Variants in SUPT3H observed in about 807,000 individuals in gnomAD.
SUPT3H encodes SPT3 homolog, SAGA and STAGA complex component.
Under a neutral mutation model 44.3 loss-of-function variants are expected in SUPT3H, and 44 were observed. The observed-to-expected ratio is 0.99, with a 90% CI of 0.78 to 1.28. The LOEUF (loss-of-function observed/expected upper bound fraction) is 1.28. Among genes scored for constraint, SUPT3H ranks in the 50% most tolerant of loss-of-function variants. The probability of loss-of-function intolerance (pLI) is 0.00; values close to 1 mark genes in which losing one functional copy is unlikely to be tolerated. For missense variants in SUPT3H, 380 were observed against 387.1 expected (o/e 0.98, Z 0.15); for synonymous variants, 124 against 125.6 (o/e 0.99, Z 0.09).
At chr6:45,289,508 TA>T (rs1779947607) in intron 2 of SUPT3H, among the ~76,000 whole-genome samples, 1 of 152,142 alleles carries the variant, frequency 6.6e-6, no homozygotes, top group Non-Finnish European at 1.5e-5. Context: ...ATTCATAATT[TA>T]AAAAATAATA....
At chr6:45,110,919 C>T (rs1248345588) in intron 2 of SUPT3H, among the ~76,000 whole-genome samples, 3 of 151,654 alleles carry the variant, frequency 2.0e-5, no homozygotes, top group East Asian at 3.9e-4. Context: ...AATGTGTGTA[C>T]ATATGTGTGT....
chr6:45,209,810 T>C (rs1171092202), intron 2 of SUPT3H, among the ~76,000 whole-genome samples: 2 of 152,206 alleles, frequency 1.3e-5, no homozygotes, highest in Non-Finnish European at 2.9e-5. Flanking sequence ...TAGAGAAATC[T>C]TTTGTGAAAG....
intron 2 of SUPT3H, among the ~76,000 whole-genome samples, chr6:45,344,509 A>G (rs1790454731): frequency 6.6e-6 from 1 of 152,044 alleles, no homozygotes; most frequent in Admixed American, 6.6e-5. Context: ...CCATATATGT[A>G]CATTTTCCTT....
intron 2 of SUPT3H, among the ~76,000 whole-genome samples, chr6:45,111,539 C>CCCCCCAAAAAACCCCA (rs1800066126): frequency 7.0e-6 from 1 of 142,340 alleles, no homozygotes; most frequent in Non-Finnish European, 1.5e-5. Flanking sequence ...CTCCCCCCCG[C>CCCCCCAAAAAACCCCA]AAAAAAAACA....
chr6:45,182,214 A>G (rs1813390023), intron 2 of SUPT3H, among the ~76,000 whole-genome samples: 1 of 152,094 alleles, frequency 6.6e-6, no homozygotes. Context: ...TGTCCCATAG[A>G]GCTTATAGAG....
At chr6:45,116,251 T>C (rs1042759075) in intron 2 of SUPT3H, among the ~76,000 whole-genome samples, 1 of 152,138 alleles carries the variant, frequency 6.6e-6, no homozygotes, top group African/African-American at 2.4e-5. Flanking sequence ...TTTTGAAAGA[T>C]TCCTAACCAA....
At chr6:44,970,090 T>C (rs1046017403) in intron 6 of SUPT3H, among the ~76,000 whole-genome samples, 3 of 152,136 alleles carry the variant, frequency 2.0e-5, no homozygotes, top group African/African-American at 7.2e-5. Flanking sequence ...ATCCTATGGG[T>C]CTAAATATAT....
chr6:45,126,409 C>T (rs1160807830), intron 2 of SUPT3H, among the ~76,000 whole-genome samples: 2 of 152,130 alleles, frequency 1.3e-5, no homozygotes, highest in African/African-American at 2.4e-5. Context: ...AAGATGGATA[C>T]ACATTTAAAA....
At chr6:44,834,180 GGAT>G (rs1769385816) in intron 10 of SUPT3H, among the ~76,000 whole-genome samples, 2 of 152,104 alleles carry the variant, frequency 1.3e-5, no homozygotes, top group African/African-American at 4.8e-5. Flanking sequence ...GTGGTAAAAT[GGAT>G]GAGGAGATCA....
intron 2 of SUPT3H, among the ~76,000 whole-genome samples, chr6:45,319,256 T>A (rs1338057578): frequency 6.6e-6 from 1 of 152,156 alleles, no homozygotes; most frequent in Non-Finnish European, 1.5e-5. Flanking sequence ...TGTCTTATAA[T>A]TAAATATGGG....
intron 5 of SUPT3H, among the ~76,000 whole-genome samples, chr6:45,012,823 T>G (rs1284835683): frequency 6.6e-6 from 1 of 152,156 alleles, no homozygotes; most frequent in Admixed American, 6.6e-5. Context: ...GGCTTGTCAT[T>G]GTTTATTTCA....
At chr6:45,335,376 C>A (rs927200034) in intron 2 of SUPT3H, among the ~76,000 whole-genome samples, 5 of 151,142 alleles carry the variant, frequency 3.3e-5, no homozygotes, top group Non-Finnish European at 5.9e-5. Flanking sequence ...TTACATTTTA[C>A]AACATGTCAA....
At chr6:45,205,212 T>C (rs570864719) in intron 2 of SUPT3H, among the ~76,000 whole-genome samples, 7 of 152,268 alleles carry the variant, frequency 4.6e-5, no homozygotes, top group South Asian at 2.1e-4. Context: ...CAAAAGTACA[T>C]TGGAATCATT....
At chr6:45,132,374 CA>C (rs1164536860) in intron 2 of SUPT3H, among the ~76,000 whole-genome samples, 2 of 152,270 alleles carry the variant, frequency 1.3e-5, no homozygotes, top group African/African-American at 4.8e-5. Flanking sequence ...AAATTTGCTA[CA>C]AAAGATTACT....
At chr6:44,899,227 T>C (rs1009906384) in intron 10 of SUPT3H, 3 of 152,340 alleles carry the variant, frequency 2.0e-5, no homozygotes, top group Admixed American at 1.3e-4. Context: ...ATCTTTACAA[T>C]ATCCATGTGA....
chr6:45,358,202 G>A (rs1314842221), intron 2 of SUPT3H, among the ~76,000 whole-genome samples: 3 of 152,120 alleles, frequency 2.0e-5, no homozygotes, highest in African/African-American at 7.2e-5. Context: ...ATGCAACCCA[G>A]AAAAGAAGCA....
At chr6:45,351,133 T>C (rs1791934655) in intron 2 of SUPT3H, among the ~76,000 whole-genome samples, 1 of 152,260 alleles carries the variant, frequency 6.6e-6, no homozygotes, top group East Asian at 1.9e-4. Context: ...TCCACGAAAC[T>C]GGTCCCTGCT....
In SUPT3H at chr6:45,132,997, C is replaced by T. The variant is rs563465546; in HGVS notation, c.102-26991G>A. Among the ~76,000 whole-genome samples the T allele has an allele frequency of 2.2e-4, 34 of 152,168 alleles. No individual in the cohort carries two copies. In the South Asian group the frequency reaches 7.1e-3, roughly 32 times the overall value. ...TGAACTCTTACCAGTACAAATATTG[C>T]CTCCCATGAATAGACACTACTTGAA... is the stretch of plus-strand genomic sequence containing the variant. On this transcript the variant is annotated intron_variant, in intron 2 of 10. Coordinates refer to ENST00000371459, the MANE Select transcript of SUPT3H (RefSeq NM_003599.4).
intron 3 of SUPT3H, among the ~76,000 whole-genome samples, chr6:45,043,142 T>TACACACAC (rs59321114): frequency 0.14 from 20,000 of 146,544 alleles, 1,371 homozygotes; most frequent in Admixed American, 0.19. Context: ...CATACACACA[T>TACACACAC]ACACACACAC....
Sources: gnomAD v4.1 joint callset for allele counts (sites outside exome capture counted in the v4.1 genomes callset) on GRCh38, gnomAD v4.1.1 for gene constraint, MANE v1.5 for transcripts, NCBI Gene and HGNC (gene_info 2026-07-23, HGNC 2026-07-21) for gene names.